Variants in AGBL1 observed in about 807,000 individuals in gnomAD.
The protein encoded by AGBL1 is AGBL carboxypeptidase 1.
AGBL1 carries 130 observed loss-of-function variants against 118.9 expected under a neutral mutation model. The observed-to-expected ratio is 1.09, with a 90% CI of 0.95 to 1.26. The LOEUF is 1.26. AGBL1 is among the 50% of genes most tolerant of loss of function. AGBL1 has a pLI of 0.00. For missense variants in AGBL1, 1,584 were observed against 1,298.1 expected (o/e 1.22, Z -3.38); for synonymous variants, 555 against 478.9 (o/e 1.16, Z -2.08).
chr15:86,420,046 A>G (rs2081764884), intron 18 of AGBL1, among the ~76,000 whole-genome samples: 1 of 152,206 alleles, frequency 6.6e-6, no homozygotes, highest in African/African-American at 2.4e-5. Context: ...GCTTCAGCAG[A>G]CTTAAAACAT....
chr15:86,887,097 T>G (rs1014168005), intron 22 of AGBL1, among the ~76,000 whole-genome samples: 1 of 152,204 alleles, frequency 6.6e-6, no homozygotes, highest in Non-Finnish European at 1.5e-5. Flanking sequence ...CCAATTAGAC[T>G]GTTTATGTAA....
intron 23 of AGBL1, among the ~76,000 whole-genome samples, chr15:86,952,283 AGC>A (rs1255053443): frequency 3.3e-5 from 5 of 152,068 alleles, no homozygotes; most frequent in African/African-American, 1.2e-4. Flanking sequence ...CAGTGTTAGT[AGC>A]ATACAAATTA....
chr15:86,721,533 A>G (rs1298094456), intron 22 of AGBL1, among the ~76,000 whole-genome samples: 1 of 152,190 alleles, frequency 6.6e-6, no homozygotes, highest in Admixed American at 6.5e-5. Flanking sequence ...TCTATGACAA[A>G]CCCACAGCCA....
At chr15:86,723,928 A>T (rs888180648) in intron 22 of AGBL1, among the ~76,000 whole-genome samples, 4 of 152,014 alleles carry the variant, frequency 2.6e-5, no homozygotes, top group African/African-American at 9.7e-5. Context: ...AGGGAGTAAG[A>T]TGACTAAATC....
At chr15:86,829,122 C>A (rs537777374) in intron 22 of AGBL1, among the ~76,000 whole-genome samples, 170 of 151,972 alleles carry the variant, frequency 1.1e-3, no homozygotes, top group African/African-American at 3.9e-3. Flanking sequence ...TCAACAGAGC[C>A]TCGTGGGGTG....
At chr15:86,747,904 G>A (rs189911124) in intron 22 of AGBL1, among the ~76,000 whole-genome samples, 2 of 152,288 alleles carry the variant, frequency 1.3e-5, no homozygotes, top group South Asian at 2.1e-4. Flanking sequence ...TTGGTTCCAA[G>A]TCTTTGCTAT....
chr15:86,920,045 G>A (rs570922501), downstream of AGBL1, among the ~76,000 whole-genome samples: 2 of 152,176 alleles, frequency 1.3e-5, no homozygotes, highest in African/African-American at 2.4e-5. Flanking sequence ...TCTATTTACT[G>A]TCTTAGGGTG....
chr15:86,953,577 G>A (rs1296451651), intron 23 of AGBL1, among the ~76,000 whole-genome samples: 1 of 151,948 alleles, frequency 6.6e-6, no homozygotes, highest in Non-Finnish European at 1.5e-5. Flanking sequence ...CTTTTGTAGA[G>A]ACAGGGTTTC....
chr15:86,657,528 A>G (rs745802311), intron 21 of AGBL1, among the ~76,000 whole-genome samples: 10 of 152,148 alleles, frequency 6.6e-5, no homozygotes, highest in Non-Finnish European at 1.2e-4. Flanking sequence ...TTTAGAGTGG[A>G]AATCCATTGC....
rs557533758 is a variant in AGBL1, at chr15:86,424,310, G to A, written c.2555+26764G>A. Among the ~76,000 whole-genome samples the A allele has an allele frequency of 7.0e-4, 107 of 152,250 alleles. 1 individual carries two copies. The highest frequency in any genetic ancestry group is 2.2e-3 in the African/African-American group (93 of 41,548). ...GGAAAGGATTTCCTATTTAATAAAT[G>A]GCATTGAGAAAACTAGCTAGCCATA... is the stretch of plus-strand genomic sequence containing the variant. On this transcript the variant is annotated intron_variant, in intron 18 of 22. Coordinates refer to ENST00000614907, the MANE Select transcript of AGBL1 (RefSeq NM_001386094.1).
intron 5 of AGBL1, among the ~76,000 whole-genome samples, chr15:86,166,185 C>T (rs891836553): frequency 6.6e-6 from 1 of 152,190 alleles, no homozygotes; most frequent in African/African-American, 2.4e-5. Context: ...CTGCATATTA[C>T]AAAACAAACA....
At chr15:86,690,114 C>G (rs538193732) in intron 22 of AGBL1, among the ~76,000 whole-genome samples, 1 of 152,170 alleles carries the variant, frequency 6.6e-6, no homozygotes, top group African/African-American at 2.4e-5. Context: ...GGATTGACTG[C>G]ATAATGGTAA....
intron 17 of AGBL1, among the ~76,000 whole-genome samples, chr15:86,340,957 T>C (rs926118339): frequency 2.6e-5 from 4 of 152,162 alleles, no homozygotes; most frequent in African/African-American, 4.8e-5. Flanking sequence ...TCATTATTAC[T>C]GGTAGGTGGT....
intron 18 of AGBL1, among the ~76,000 whole-genome samples, chr15:86,505,461 G>T (rs551163281): frequency 5.9e-4 from 89 of 151,870 alleles, no homozygotes; most frequent in African/African-American, 2.0e-3. Flanking sequence ...TAATTTTTTA[G>T]ATCCTTTCTT....
At chr15:86,598,872 T>G (rs1340341098) in intron 21 of AGBL1, among the ~76,000 whole-genome samples, 1 of 152,168 alleles carries the variant, frequency 6.6e-6, no homozygotes, top group Non-Finnish European at 1.5e-5. Context: ...TAAGGATGAA[T>G]TTGATATTAA....
At chr15:86,958,545 C>T (rs2080957379) in intron 23 of AGBL1, among the ~76,000 whole-genome samples, 1 of 152,124 alleles carries the variant, frequency 6.6e-6, no homozygotes, top group Non-Finnish European at 1.5e-5. Context: ...GTATAAGGTT[C>T]TGCAACAATT....
intron 22 of AGBL1, among the ~76,000 whole-genome samples, chr15:86,729,801 T>C (rs1384518540): frequency 1.3e-5 from 2 of 152,202 alleles, no homozygotes; most frequent in Admixed American, 6.5e-5. Context: ...AGTAATGGGA[T>C]TGCTGGGTCA....
intron 22 of AGBL1, among the ~76,000 whole-genome samples, chr15:86,862,167 C>G (rs2079568074): frequency 6.6e-6 from 1 of 152,148 alleles, no homozygotes; most frequent in Non-Finnish European, 1.5e-5. Context: ...AAACCATAGT[C>G]TCTACGCAGA....
chr15:86,548,686 C>G (rs1041934128), intron 20 of AGBL1, among the ~76,000 whole-genome samples: 1 of 151,476 alleles, frequency 6.6e-6, no homozygotes, highest in South Asian at 2.1e-4. Flanking sequence ...CACACACACA[C>G]ACACACACAC....
Sources: allele counts gnomAD v4.1 joint callset (sites outside exome capture counted in the v4.1 genomes callset), GRCh38; gene constraint gnomAD v4.1.1; transcripts MANE v1.5; gene names NCBI Gene and HGNC (gene_info 2026-07-23, HGNC 2026-07-21).